The following AGBL3 variants were observed in gnomAD, a reference collection of about 807,000 sequenced individuals.
AGBL3 encodes the protein cytosolic carboxypeptidase 3.
AGBL3 carries 68 observed loss-of-function variants against 94.5 expected under a neutral mutation model. That is an observed-to-expected ratio of 0.72 (90% confidence interval 0.59 to 0.88). The LOEUF is 0.88. Ranked by LOEUF, AGBL3 falls within the 40% of genes least tolerant of loss-of-function variation. The pLI, the probability that AGBL3 is intolerant of heterozygous loss-of-function variation, is 0.00. For missense variants in AGBL3, 934 were observed against 1,103.8 expected (o/e 0.85, Z 2.18); for synonymous variants, 354 against 370.7 (o/e 0.95, Z 0.52).
chr7:134,991,612 G>A (rs1350807137), intron 3 of AGBL3, among the ~76,000 whole-genome samples: 2 of 151,980 alleles, frequency 1.3e-5, no homozygotes, highest in Admixed American at 1.3e-4. Context: ...TACTGAGAAC[G>A]CCTTGATCTC....
intron 16 of AGBL3, among the ~76,000 whole-genome samples, chr7:135,118,166 T>C (rs1257611831): frequency 1.3e-5 from 2 of 152,210 alleles, no homozygotes; most frequent in Non-Finnish European, 2.9e-5. Flanking sequence ...CTTATGCTTT[T>C]TTTAATTAAG....
chr7:135,025,100 A>C (rs10243600), intron 5 of AGBL3, among the ~76,000 whole-genome samples: 140,789 of 151,420 alleles, frequency 0.93, 66,272 homozygotes, highest in Non-Finnish European at 1. Flanking sequence ...GGTTAACATG[A>C]AAATTCAAGA....
intron 8 of AGBL3, 71 bp downstream of exon 8, chr7:135,037,651 C>G (rs372942564): frequency 7.8e-7 from 1 of 1,287,684 alleles, no homozygotes; most frequent in Non-Finnish European, 1.0e-6. Flanking sequence ...GAATGGCCCA[C>G]GTGGATAATA....
At chr7:135,107,072 T>A (rs1824835563) in intron 15 of AGBL3, among the ~76,000 whole-genome samples, 1 of 152,218 alleles carries the variant, frequency 6.6e-6, no homozygotes, top group Non-Finnish European at 1.5e-5. Flanking sequence ...TTGTCATTCC[T>A]TATTGTGATT....
intron 12 of AGBL3, among the ~76,000 whole-genome samples, chr7:135,068,079 C>G (rs796264067): frequency 6.6e-6 from 1 of 152,136 alleles, no homozygotes; most frequent in Non-Finnish European, 1.5e-5. Flanking sequence ...ACAAGAACTA[C>G]GTGATGAATG....
intron 14 of AGBL3, among the ~76,000 whole-genome samples, chr7:135,080,941 T>TAC (rs34640801): frequency 0.81 from 120,910 of 148,538 alleles, 50,863 homozygotes; most frequent in East Asian, 0.97. Context: ...GTAACCTAAT[T>TAC]ACACACACAC....
intron 15 of AGBL3, among the ~76,000 whole-genome samples, chr7:135,107,218 T>G (rs886572051): frequency 2.0e-5 from 3 of 152,166 alleles, no homozygotes; most frequent in African/African-American, 7.2e-5. Context: ...TCTCCTCCAC[T>G]TCAGCTCTGA....
intron 15 of AGBL3, among the ~76,000 whole-genome samples, chr7:135,084,835 T>A (rs1278005896): frequency 6.6e-6 from 1 of 152,166 alleles, no homozygotes; most frequent in African/African-American, 2.4e-5. Context: ...GACATACTGA[T>A]TTCCTTCCTT....
chr7:135,080,339 G>A, intron 14 of AGBL3, 79 bp downstream of exon 14: 1 of 1,138,698 alleles, frequency 8.8e-7, no homozygotes, highest in Non-Finnish European at 1.3e-6. Context: ...CAACTTTGAG[G>A]TTGCCACTGT....
At chr7:135,047,191 A>G (rs754133521) in intron 11 of AGBL3, among the ~76,000 whole-genome samples, 17 of 152,024 alleles carry the variant, frequency 1.1e-4, no homozygotes, top group Non-Finnish European at 2.1e-4. Context: ...ACTTAGTGTA[A>G]TGTCCTTGCT....
At chr7:135,068,421 G>A (rs1207998113) in intron 12 of AGBL3, among the ~76,000 whole-genome samples, 1 of 152,040 alleles carries the variant, frequency 6.6e-6, no homozygotes, top group African/African-American at 2.4e-5. Context: ...GCATCTCCAA[G>A]ACACATAATT....
chr7:135,013,292 T>C lies in AGBL3; in HGVS notation c.311-3760T>C, dbSNP rs1007747750. ...GAAAGTAGAGCAACTGGAACTCTAA[T>C]ACATTGTTGGTGGGAATGTAAAATT... is the stretch of plus-strand genomic sequence containing the variant. On this transcript the variant is annotated intron_variant, in intron 4 of 16. Coordinates refer to ENST00000436302, the MANE Select transcript of AGBL3 (RefSeq NM_178563.4). 2.0e-5 allele frequency among the ~76,000 whole-genome samples: 3 copies of C among 152,340 alleles called. No individual in the cohort carries two copies. The South Asian group carries it at 6.2e-4, about 32-fold the overall frequency.
chr7:135,081,627 T>C, intron 14 of AGBL3, 92 bp from the exon 15 acceptor site: 1 of 782,234 alleles, frequency 1.3e-6, no homozygotes, highest in Non-Finnish European at 2.0e-6. Flanking sequence ...AGTTATTTAC[T>C]AGCATTTTCC....
At chr7:135,052,344 A>AC (rs1359783511) in intron 11 of AGBL3, among the ~76,000 whole-genome samples, 2 of 152,168 alleles carry the variant, frequency 1.3e-5, no homozygotes, top group East Asian at 3.8e-4. Context: ...GTAGTACTCC[A>AC]CAGGGTGGAT....
rs941397046 is a variant in AGBL3, at chr7:135,032,888, C to T, written c.463C>T (p.Arg155Ter). 26 of 1,550,784 alleles carry T rather than the reference C, an allele frequency of 1.7e-5. No homozygotes were observed. The highest frequency in any genetic ancestry group is 2.0e-5 in the Admixed American group (1 of 50,876). ...CFVYSRVGGN[R>*]TPLKQPVDYR... ...TGTGTATTCCCGAGTTGGGGGTAAC[C>T]GAACACCTTTGAAGCAGCCTGTGGA... The change falls in exon 6 of 17, where the codon CGA becomes TGA. Residue 155 changes from arginine to a stop codon, truncating the protein, a stop_gained. Transcript: ENST00000436302. LOFTEE classifies it high-confidence loss of function.
intron 15 of AGBL3, among the ~76,000 whole-genome samples, chr7:135,098,704 A>G (rs183700521): frequency 2.6e-5 from 4 of 152,324 alleles, no homozygotes; most frequent in Admixed American, 2.6e-4. Context: ...ACTACATCAA[A>G]GAAAGATATC....
At chr7:135,059,306 AGGC>A in intron 12 of AGBL3, 71 bp downstream of exon 12, 1 of 1,035,932 alleles carries the variant, frequency 9.7e-7, no homozygotes, top group Non-Finnish European at 1.3e-6. Flanking sequence ...ACTAATAATC[AGGC>A]AAAAAAAATT....
intron 4 of AGBL3, among the ~76,000 whole-genome samples, chr7:134,999,173 A>C (rs531601791): frequency 1.3e-5 from 2 of 152,342 alleles, no homozygotes; most frequent in African/African-American, 4.8e-5. Flanking sequence ...TGATGGTCCA[A>C]ATTGCCACAG....
chr7:135,122,878 AC>A (rs1393134584), intron 16 of AGBL3, among the ~76,000 whole-genome samples: 13 of 152,130 alleles, frequency 8.5e-5, no homozygotes, highest in East Asian at 1.9e-4. Flanking sequence ...CCCCAGAAAA[AC>A]CCCATCCAAG....
Sources: gnomAD v4.1 joint callset for allele counts (sites outside exome capture counted in the v4.1 genomes callset) on GRCh38, gnomAD v4.1.1 for gene constraint, MANE v1.5 for transcripts, NCBI Gene and HGNC (gene_info 2026-07-23, HGNC 2026-07-21) for gene names.